TRAM2: variants seen among roughly 807,000 people sequenced by gnomAD.
TRAM2 encodes the protein translocating chain-associated membrane protein 2.
A neutral mutation model predicts 51.0 loss-of-function variants in TRAM2; 12 were observed. That is an observed-to-expected ratio of 0.24 (90% CI 0.15 to 0.38). The LOEUF (loss-of-function observed/expected upper bound fraction) is 0.38. TRAM2 is among the 10% of genes least tolerant of loss of function. TRAM2 has a pLI of 1.00. For missense variants in TRAM2, 361 were observed against 462.0 expected (o/e 0.78, Z 2.00); for synonymous variants, 175 against 179.4 (o/e 0.98, Z 0.20).
At chr6:52,542,625 C>T (rs761442) in intron 1 of TRAM2, among the ~76,000 whole-genome samples, 15,159 of 152,104 alleles carry the variant, frequency 0.1, 1,337 homozygotes, top group East Asian at 0.49. Flanking sequence ...TAAACAAACA[C>T]GCACACAACA....
intron 1 of TRAM2, among the ~76,000 whole-genome samples, chr6:52,544,873 G>A (rs1410051278): frequency 6.6e-6 from 1 of 152,130 alleles, no homozygotes; most frequent in African/African-American, 2.4e-5. Flanking sequence ...ACCAAAGGCA[G>A]GGCCTCAGGT....
chr6:52,518,654 G>A (rs1286234076), intron 2 of TRAM2, among the ~76,000 whole-genome samples: 2 of 152,034 alleles, frequency 1.3e-5, no homozygotes, highest in East Asian at 1.9e-4. Context: ...ACTGAGGACC[G>A]AAGGGCTGGG....
chr6:52,555,945 C>A (rs9474245), intron 1 of TRAM2, among the ~76,000 whole-genome samples: 9,407 of 152,206 alleles, frequency 0.062, 771 homozygotes, highest in African/African-American at 0.19. Context: ...TCAACAAAAA[C>A]AACATGTAAA....
chr6:52,542,827 A>T (rs1311428389), intron 1 of TRAM2, among the ~76,000 whole-genome samples: 5 of 152,362 alleles, frequency 3.3e-5, no homozygotes, highest in African/African-American at 9.6e-5. Context: ...TGGGATACAG[A>T]GGAATGTAGA....
At chr6:52,570,799 C>CA (rs553109347) in intron 1 of TRAM2, among the ~76,000 whole-genome samples, 9 of 117,670 alleles carry the variant, frequency 7.6e-5, no homozygotes, top group East Asian at 4.8e-4. Flanking sequence ...CCCACCACCC[C>CA]CCCCCCCACA....
chr6:52,520,467 C>T (rs535645304), intron 2 of TRAM2, among the ~76,000 whole-genome samples: 5 of 152,328 alleles, frequency 3.3e-5, no homozygotes, highest in South Asian at 2.1e-4. Context: ...AGATGGGCGT[C>T]GGATAGAGTC....
intron 2 of TRAM2, among the ~76,000 whole-genome samples, chr6:52,533,004 A>C (rs1766918418): frequency 6.6e-6 from 1 of 152,000 alleles, no homozygotes; most frequent in South Asian, 2.1e-4. Flanking sequence ...CAAAAGGTCA[A>C]ATACTATATA....
At chr6:52,532,158 T>C (rs1766903300) in intron 2 of TRAM2, among the ~76,000 whole-genome samples, 1 of 152,212 alleles carries the variant, frequency 6.6e-6, no homozygotes. Context: ...CCAATGTCTC[T>C]GGGAAGGTTT....
Position 52,499,343 on chromosome 6 carries a change from T to C in TRAM2, c.*3854A>G, listed in dbSNP as rs1023050461. 1 of 152,184 alleles carries C rather than the reference T, an allele frequency of 6.6e-6. No individual in the cohort carries two copies. The highest frequency in any genetic ancestry group is 2.1e-4 in the South Asian group (1 of 4,830). The allele number at this position is 152,184 out of a possible 1,614,324, so 9.4% of individuals were successfully genotyped here. On this transcript the variant is annotated 3_prime_UTR_variant, in exon 11 of 11. Transcript: ENST00000182527. ...AGGAGAGAGCTTAGAACATCAAGAA[T>C]TGAAGTTTGTGCACTTGTGCCATAG...
Position 52,504,725 on chromosome 6 carries a change from G to A in TRAM2, c.905C>T (p.Ala302Val). 5.0e-6 allele frequency: 8 copies of A among 1,610,190 alleles called. No individual in the cohort carries two copies. The highest frequency in any genetic ancestry group is 6.8e-6 in the Non-Finnish European group (8 of 1,178,972). Residue 302 changes from alanine (A) to valine (V), a missense_variant, in exon 10 of 11, where the codon GCC becomes GTC. Physicochemically the swap from Ala to Val is moderately conservative, Grantham distance 64. Coordinates refer to ENST00000182527, the MANE Select transcript of TRAM2 (RefSeq NM_012288.4). ...GAAGCGCCACATGAGCCAGGCCTGG[G>A]CGGCACACACCAGCAGCAGCACGCA... is the stretch of plus-strand genomic sequence containing the variant. ...RLCVLLLVCA[A>V]QAWLMWRFIH...
chr6:52,564,540 C>A (rs765610676), intron 1 of TRAM2, among the ~76,000 whole-genome samples: 16 of 152,120 alleles, frequency 1.1e-4, no homozygotes, highest in South Asian at 2.1e-4. Context: ...CCCCTTGAGC[C>A]TCAAGGAACA....
At chr6:52,526,593 T>C (rs937656191) in intron 2 of TRAM2, among the ~76,000 whole-genome samples, 1 of 152,174 alleles carries the variant, frequency 6.6e-6, no homozygotes, top group Admixed American at 6.5e-5. Flanking sequence ...TTCACCATGT[T>C]GGCCAGGCTG....
At chr6:52,552,083 T>C (rs2114097525) in intron 1 of TRAM2, among the ~76,000 whole-genome samples, 1 of 152,378 alleles carries the variant, frequency 6.6e-6, no homozygotes, top group South Asian at 2.1e-4. Flanking sequence ...CCTAGCCACG[T>C]GCTGACAAGC....
intron 4 of TRAM2, among the ~76,000 whole-genome samples, chr6:52,510,492 GC>G (rs1766432066): frequency 6.6e-6 from 1 of 152,264 alleles, no homozygotes; most frequent in Admixed American, 6.5e-5. Context: ...GGGTTTTTGT[GC>G]CCATGTGAGA....
rs908400560 is a variant in TRAM2 at position 52,501,448 on chromosome 6, T to G, written c.*1749A>C. 3 of 152,262 alleles carry G rather than the reference T, an allele frequency of 2.0e-5. No individual in the cohort carries two copies. The highest frequency in any genetic ancestry group is 4.4e-5 in the Non-Finnish European group (3 of 68,050). 9.4% of individuals were successfully genotyped at this position (152,262 alleles called of 1,614,324 possible). On this transcript the variant is annotated 3_prime_UTR_variant, in exon 11 of 11. Coordinates refer to ENST00000182527, the MANE Select transcript of TRAM2 (RefSeq NM_012288.4). Reference sequence around the variant, plus strand: ...ATCCAAGGTTTGGTTTCTACTGTGATGTCAGAAAGATGACCAGTATTCCAA... The same window carrying G: ...ATCCAAGGTTTGGTTTCTACTGTGAGGTCAGAAAGATGACCAGTATTCCAA...
chr6:52,522,948 GC>G (rs1164742203), intron 2 of TRAM2: 1 of 702,216 alleles, frequency 1.4e-6, no homozygotes, highest in Non-Finnish European at 2.6e-6. Context: ...ATCCCACTGT[GC>G]GGTCTCTGAC....
intron 2 of TRAM2, among the ~76,000 whole-genome samples, chr6:52,526,380 A>C (rs879789421): frequency 6.6e-6 from 1 of 152,154 alleles, no homozygotes; most frequent in Non-Finnish European, 1.5e-5. Context: ...AGAGAAGTTG[A>C]TAAGATCCCA....
At chr6:52,537,451 G>T (rs1399759130) in intron 1 of TRAM2, among the ~76,000 whole-genome samples, 1 of 152,034 alleles carries the variant, frequency 6.6e-6, no homozygotes, top group Non-Finnish European at 1.5e-5. Context: ...GCCACTCTCA[G>T]TTTGCGTCCT....
In TRAM2 at chr6:52,544,096, A is replaced by T. The variant is rs2179803; in HGVS notation, c.121-8250T>A. 2.6e-5 allele frequency among the ~76,000 whole-genome samples: 4 copies of T among 152,144 alleles called. No homozygotes were observed. In the East Asian group the frequency reaches 7.7e-4, roughly 29 times the overall value. On this transcript the variant is annotated intron_variant, in intron 1 of 10. Coordinates refer to ENST00000182527, the MANE Select transcript of TRAM2 (RefSeq NM_012288.4). ...TTAGAGCCTGCTAAGAAAATGAACC[A>T]TGAGTTCACACAGCGATGGAGCAGG...
Sources: gnomAD v4.1 joint callset for allele counts (sites outside exome capture counted in the v4.1 genomes callset) on GRCh38, gnomAD v4.1.1 for gene constraint, MANE v1.5 for transcripts, NCBI Gene and HGNC (gene_info 2026-07-23, HGNC 2026-07-21) for gene names.